PPP1R12A: variants seen among roughly 807,000 people sequenced by gnomAD.
PPP1R12A encodes the protein myosin binding subunit.
A neutral mutation model predicts 139.6 loss-of-function variants in PPP1R12A; 19 were observed. The ratio of observed to expected loss-of-function variants is 0.14; its 90% CI spans 0.09 to 0.20. The LOEUF (loss-of-function observed/expected upper bound fraction) is 0.20, where lower values mean the gene tolerates loss of function less well. Ranked by LOEUF, PPP1R12A falls within the 10% of genes least tolerant of loss-of-function variation. The probability of loss-of-function intolerance (pLI) is 1.00; values close to 1 mark genes in which losing one functional copy is unlikely to be tolerated. For missense variants in PPP1R12A, 925 were observed against 1,211.5 expected, an observed-to-expected ratio of 0.76 and a Z score of 3.51; for synonymous variants, 427 against 420.6, an observed-to-expected ratio of 1.02 and a Z score of -0.19.
chr12:79,833,462 T>C (rs1028129138), intron 3 of PPP1R12A, among the ~76,000 whole-genome samples: 1 of 152,118 alleles, frequency 6.6e-6, no homozygotes, highest in Non-Finnish European at 1.5e-5. Flanking sequence ...CAATCTGCCT[T>C]ACTCCACAAG....
chr12:79,818,630 GAAGA>G (rs924443724), intron 8 of PPP1R12A, among the ~76,000 whole-genome samples: 49 of 152,210 alleles, frequency 3.2e-4, no homozygotes, highest in Non-Finnish European at 5.1e-4. Context: ...AAAAGTCCTA[GAAGA>G]AAGAACCCTA....
In PPP1R12A at chr12:79,905,178, A is replaced by G. The variant is rs560846652; in HGVS notation, c.237+29517T>C. ...GCCTTCAAACAACTTTGTAAAGTCT[A>G]TTCTGCAAAATTCTGAGTAAACATT... On this transcript the variant is annotated intron_variant, in intron 1 of 24. Transcript: ENST00000450142. 4.0e-5 allele frequency among the ~76,000 whole-genome samples: 6 copies of G among 151,322 alleles called. No homozygotes were observed. In the East Asian group the frequency reaches 1.2e-3, roughly 30 times the overall value.
At position 79,860,331 on chromosome 12, in the gene PPP1R12A, A is replaced by G. The variant is rs1881176847; in HGVS notation, c.368+12477T>C. On this transcript the variant is annotated intron_variant, in intron 2 of 24. Coordinates refer to ENST00000450142, the MANE Select transcript of PPP1R12A (RefSeq NM_002480.3). The stretch of plus-strand genomic sequence containing the variant: ...TACAAAAATAAGGGACAACTCTAAG[A>G]CTAAAATTATAGTCATTCAATTAAC... Among the ~76,000 whole-genome samples the G allele has an allele frequency of 7.2e-5, 11 of 152,340 alleles. No homozygotes were observed. In the South Asian group the frequency reaches 2.3e-3, roughly 32 times the overall value.
rs551076035 is a variant in PPP1R12A at position 79,896,061 on chromosome 12, G to C, written c.238-23123C>G. Reference sequence around the variant, plus strand: ...TAGAGAACATTTAATATTGCTGAAGGGTCATAAAGTACAAGAAACAAAAGT... The same window carrying C: ...TAGAGAACATTTAATATTGCTGAAGCGTCATAAAGTACAAGAAACAAAAGT... On this transcript the variant is annotated intron_variant, in intron 1 of 24. Transcript: ENST00000450142. Among the ~76,000 whole-genome samples, 51 of 151,960 alleles carry C rather than the reference G, an allele frequency of 3.4e-4. No individual in the cohort carries two copies. The South Asian group carries it at 9.0e-3, about 27-fold the overall frequency.
chr12:79,839,441 C>A (rs556351953), intron 3 of PPP1R12A, among the ~76,000 whole-genome samples: 1 of 151,636 alleles, frequency 6.6e-6, no homozygotes, highest in South Asian at 2.1e-4. Flanking sequence ...AATGTGAGGA[C>A]GTGAGATTTG....
chr12:79,821,807 G>C (rs1876145905), intron 6 of PPP1R12A, among the ~76,000 whole-genome samples: 1 of 151,338 alleles, frequency 6.6e-6, no homozygotes, highest in South Asian at 2.1e-4. Context: ...TCTAGGACCT[G>C]CTATTGGATA....
chr12:79,784,675 C>T (rs1268664764), intron 22 of PPP1R12A, among the ~76,000 whole-genome samples: 1 of 152,100 alleles, frequency 6.6e-6, no homozygotes, highest in Non-Finnish European at 1.5e-5. Flanking sequence ...CTTGCTCTGT[C>T]ACCCAGGCTG....
chr12:79,840,102 A>T (rs914936447), intron 3 of PPP1R12A, among the ~76,000 whole-genome samples: 11 of 152,162 alleles, frequency 7.2e-5, no homozygotes, highest in Non-Finnish European at 1.6e-4. Flanking sequence ...TGGGCTCAAG[A>T]TATCTGTCTT....
intron 3 of PPP1R12A, 130 bp downstream of exon 3, chr12:79,845,169 CTAT>C: frequency 1.5e-6 from 1 of 666,438 alleles, no homozygotes; most frequent in Non-Finnish European, 2.6e-6. Flanking sequence ...ACATACTGTA[CTAT>C]TGTTTTGCAA....
chr12:79,918,075 G>A (rs1887141895), intron 1 of PPP1R12A, among the ~76,000 whole-genome samples: 1 of 151,382 alleles, frequency 6.6e-6, no homozygotes, highest in Admixed American at 6.6e-5. Flanking sequence ...GCTTTACTTA[G>A]AAATTCTTTA....
chr12:79,863,692 G>A (rs1881631459), intron 2 of PPP1R12A, among the ~76,000 whole-genome samples: 1 of 145,434 alleles, frequency 6.9e-6, no homozygotes. Context: ...TGCAATCCTG[G>A]TCTCTGATAA....
intron 19 of PPP1R12A, among the ~76,000 whole-genome samples, chr12:79,791,931 C>G (rs1408839107): frequency 6.6e-6 from 1 of 152,062 alleles, no homozygotes; most frequent in Admixed American, 6.6e-5. Context: ...TTTCATTTAG[C>G]ATAACGCCCT....
chr12:79,829,906 C>T (rs1398174732), intron 4 of PPP1R12A, among the ~76,000 whole-genome samples: 1 of 152,060 alleles, frequency 6.6e-6, no homozygotes, highest in East Asian at 1.9e-4. Flanking sequence ...GAAACAACAA[C>T]CAACTCTCAA....
intron 2 of PPP1R12A, among the ~76,000 whole-genome samples, chr12:79,850,644 C>G (rs1235338421): frequency 6.6e-6 from 1 of 152,120 alleles, no homozygotes; most frequent in Non-Finnish European, 1.5e-5. Flanking sequence ...TGGTTTGGCT[C>G]TATGTCCCCA....
At chr12:79,812,463 G>C (rs953177038) in intron 9 of PPP1R12A, among the ~76,000 whole-genome samples, 6 of 151,402 alleles carry the variant, frequency 4.0e-5, no homozygotes, top group Non-Finnish European at 7.4e-5. Flanking sequence ...GTGTGTGTGT[G>C]TGTACAACTT....
At chr12:79,918,319 A>G (rs1887162125) in intron 1 of PPP1R12A, among the ~76,000 whole-genome samples, 1 of 152,196 alleles carries the variant, frequency 6.6e-6, no homozygotes. Context: ...ATCTCCATGT[A>G]TTAGTTATAG....
Position 79,817,444 on chromosome 12 carries a change from T to C in PPP1R12A, c.1189A>G (p.Thr397Ala). 3 of 1,611,606 alleles carry C rather than the reference T, an allele frequency of 1.9e-6. No homozygotes were observed. Among genetic ancestry groups the C allele is most frequent in the Non-Finnish European group, 2.5e-6 (3 of 1,178,650 alleles). ...GCTTGACCTGATGACACAGTAGGTG[T>C]TGTAACAGCTACAGGAGCTGCTTGT... ...STQAAPVAVT[T>A]PTVSSGQATP... The change falls in exon 9 of 25, where the codon ACA becomes GCA. Residue 397 changes from threonine (T) to alanine (A), a missense_variant. Around this residue, in one of 4 missense-constraint regions of PPP1R12A, gnomAD observed 403 missense variants for 463.7 expected, o/e 0.87. Coordinates refer to ENST00000450142, the MANE Select transcript of PPP1R12A (RefSeq NM_002480.3).
intron 1 of PPP1R12A, among the ~76,000 whole-genome samples, chr12:79,912,685 C>A (rs1886674949): frequency 6.8e-6 from 1 of 147,338 alleles, no homozygotes; most frequent in African/African-American, 2.5e-5. Context: ...CAGAGGAAAG[C>A]CTGATTTAAA....
chr12:79,856,451 C>T (rs1880666960), intron 2 of PPP1R12A, among the ~76,000 whole-genome samples: 1 of 152,160 alleles, frequency 6.6e-6, no homozygotes, highest in Non-Finnish European at 1.5e-5. Context: ...GACATAAATG[C>T]ATATTTATTT....
Sources: gnomAD v4.1 joint callset for allele counts (sites outside exome capture counted in the v4.1 genomes callset) on GRCh38, gnomAD v4.1.1 for gene constraint, gnomAD v4.1.1 regional missense constraint, MANE v1.5 for transcripts, NCBI Gene and HGNC (gene_info 2026-07-23, HGNC 2026-07-21) for gene names.